The following GALNTL6 variants were observed in gnomAD, a reference collection of about 807,000 sequenced individuals.
The protein encoded by GALNTL6 is polypeptide N-acetylgalactosaminyltransferase-like 6.
A neutral mutation model predicts 73.7 loss-of-function variants in GALNTL6; 46 were observed. That is an observed-to-expected ratio of 0.62 (90% CI 0.49 to 0.80). The LOEUF (loss-of-function observed/expected upper bound fraction) is 0.80, where lower values mean the gene tolerates loss of function less well. Ranked by LOEUF, GALNTL6 falls within the 30% of genes least tolerant of loss-of-function variation. The pLI is 0.00. For missense variants in GALNTL6, 604 were observed against 755.0 expected, an observed-to-expected ratio of 0.80 and a Z score of 2.34; for synonymous variants, 259 against 263.7, an observed-to-expected ratio of 0.98 and a Z score of 0.17.
intron 2 of GALNTL6, among the ~76,000 whole-genome samples, chr4:171,944,284 A>C (rs332993): frequency 0.65 from 98,610 of 151,810 alleles, 35,426 homozygotes; most frequent in Non-Finnish European, 0.8. Flanking sequence ...CAGATGCAAC[A>C]TTGTGTTGGA....
chr4:172,402,079 A>G (rs1007296456), intron 5 of GALNTL6, among the ~76,000 whole-genome samples: 2 of 152,060 alleles, frequency 1.3e-5, no homozygotes, highest in African/African-American at 4.8e-5. Context: ...TAATAAAAAT[A>G]CTTTCTAATG....
At chr4:172,044,820 A>G (rs1348036846) in intron 2 of GALNTL6, among the ~76,000 whole-genome samples, 1 of 152,054 alleles carries the variant, frequency 6.6e-6, no homozygotes. Context: ...CTTTGTTTGC[A>G]TGACTTAAAA....
chr4:172,310,591 A>T (rs942357829), intron 3 of GALNTL6, among the ~76,000 whole-genome samples: 3 of 152,134 alleles, frequency 2.0e-5, no homozygotes, highest in Non-Finnish European at 2.9e-5. Flanking sequence ...GTATTTCTAT[A>T]ACTGCCTGAA....
At chr4:172,404,818 A>T (rs1350241159) in intron 5 of GALNTL6, among the ~76,000 whole-genome samples, 1 of 152,070 alleles carries the variant, frequency 6.6e-6, no homozygotes, top group African/African-American at 2.4e-5. Context: ...AGCAAATCAT[A>T]CGAGAGTTTC....
At chr4:172,197,011 A>G (rs999713852) in intron 2 of GALNTL6, among the ~76,000 whole-genome samples, 1 of 152,192 alleles carries the variant, frequency 6.6e-6, no homozygotes, top group African/African-American at 2.4e-5. Context: ...CTTTGTTTGC[A>G]TATGACATGA....
At chr4:173,031,014 AAGAG>A (rs10655625) in intron 12 of GALNTL6, among the ~76,000 whole-genome samples, 84 of 148,360 alleles carry the variant, frequency 5.7e-4, no homozygotes, top group African/African-American at 1.6e-3. Flanking sequence ...AAGAAAAGAA[AAGAG>A]AGAGAGAGAG....
At chr4:172,594,934 C>A (rs558044855) in intron 5 of GALNTL6, among the ~76,000 whole-genome samples, 1 of 152,290 alleles carries the variant, frequency 6.6e-6, no homozygotes, top group East Asian at 1.9e-4. Context: ...GTAGTTCTCA[C>A]ATTTTTAGAG....
At chr4:171,897,110 G>GT (rs1736941348) in intron 2 of GALNTL6, among the ~76,000 whole-genome samples, 1 of 151,996 alleles carries the variant, frequency 6.6e-6, no homozygotes, top group South Asian at 2.1e-4. Context: ...AAAATAAAGT[G>GT]TAAGTTAGAG....
At chr4:172,391,597 A>G (rs186321158) in intron 5 of GALNTL6, among the ~76,000 whole-genome samples, 12 of 152,342 alleles carry the variant, frequency 7.9e-5, no homozygotes, top group Admixed American at 4.6e-4. Context: ...CCCTGTTATT[A>G]CCATCAAATT....
chr4:172,064,662 G>A (rs1434448384), intron 2 of GALNTL6, among the ~76,000 whole-genome samples: 11 of 152,142 alleles, frequency 7.2e-5, no homozygotes, highest in Admixed American at 7.2e-4. Context: ...CCCCCTCCTT[G>A]TCATTCAGTT....
chr4:172,154,989 G>A (rs1469150905), intron 2 of GALNTL6, among the ~76,000 whole-genome samples: 1 of 151,506 alleles, frequency 6.6e-6, no homozygotes, highest in Non-Finnish European at 1.5e-5. Flanking sequence ...AAATTAATAA[G>A]GAAATCGTAT....
At chr4:171,983,806 C>T (rs1579031008) in intron 2 of GALNTL6, among the ~76,000 whole-genome samples, 1 of 152,168 alleles carries the variant, frequency 6.6e-6, no homozygotes, top group Admixed American at 6.5e-5. Flanking sequence ...TTTGCTTCAA[C>T]CCCTCCTAAC....
intron 5 of GALNTL6, among the ~76,000 whole-genome samples, chr4:172,760,158 C>G (rs1259326221): frequency 6.6e-6 from 1 of 151,838 alleles, no homozygotes; most frequent in African/African-American, 2.4e-5. Flanking sequence ...CTTATGTCAA[C>G]TTGGATTGTG....
chr4:172,559,189 C>T lies in GALNTL6; in HGVS notation c.553+210500C>T, dbSNP rs947016230. Among the ~76,000 whole-genome samples, 5 of 150,592 alleles carry T rather than the reference C, an allele frequency of 3.3e-5. No individual in the cohort carries two copies. The South Asian group carries it at 6.3e-4, about 19-fold the overall frequency. ...ATGCCGTTCTCCTGCCTCAGCCTCC[C>T]GAGTAGCTGAGACCACAGGCACCCG... On this transcript the variant is annotated intron_variant, in intron 5 of 12. Transcript: ENST00000506823.
At chr4:171,970,222 CA>C (rs34877992) in intron 2 of GALNTL6, among the ~76,000 whole-genome samples, 77,520 of 152,008 alleles carry the variant, frequency 0.51, 20,438 homozygotes, top group Admixed American at 0.61. Flanking sequence ...CCATGGCCAG[CA>C]AATTTGAGAG....
At chr4:172,284,309 C>T (rs989045749) in intron 3 of GALNTL6, among the ~76,000 whole-genome samples, 11 of 152,104 alleles carry the variant, frequency 7.2e-5, no homozygotes, top group African/African-American at 2.7e-4. Flanking sequence ...TTAAGGAGTA[C>T]AAGCTCAATT....
At chr4:171,862,507 T>C (rs1735857907) in intron 2 of GALNTL6, among the ~76,000 whole-genome samples, 1 of 152,064 alleles carries the variant, frequency 6.6e-6, no homozygotes, top group African/African-American at 2.4e-5. Flanking sequence ...ATTTGGAAAA[T>C]ATATTGTAAT....
intron 5 of GALNTL6, among the ~76,000 whole-genome samples, chr4:172,780,887 T>A (rs767250206): frequency 1.3e-5 from 2 of 152,210 alleles, no homozygotes; most frequent in African/African-American, 2.4e-5. Context: ...ATATCAGAGC[T>A]ACAATGCTGC....
Position 173,040,047 on chromosome 4 carries a change from G to C in GALNTL6, c.1753G>C (p.Glu585Gln), listed in dbSNP as rs1304557898. The change falls in exon 13 of 13, where the codon GAA becomes CAA. Residue 585 changes from glutamate (E) to glutamine (Q), a missense_variant. By Grantham distance (29) the Glu-to-Gln change is conservative. Transcript: ENST00000506823. Reference sequence around the variant, plus strand: ...CTCTGAGACTCAGCAGTGGATTTTTGAACACATTAATATGACTGTTTTAGA... The same window carrying C: ...CTCTGAGACTCAGCAGTGGATTTTTCAACACATTAATATGACTGTTTTAGA... Reference protein sequence around the residue: ...PLSETQQWIFEHINMTVLEKF... With the variant: ...PLSETQQWIFQHINMTVLEKF... 1.2e-6 allele frequency: 2 copies of C among 1,613,432 alleles called. No individual in the cohort carries two copies. Among genetic ancestry groups the C allele is most frequent in the Admixed American group, 1.7e-5 (1 of 59,970 alleles).
Sources: allele counts gnomAD v4.1 joint callset (sites outside exome capture counted in the v4.1 genomes callset), GRCh38; gene constraint gnomAD v4.1.1; transcripts MANE v1.5; gene names NCBI Gene and HGNC (gene_info 2026-07-23, HGNC 2026-07-21).